The following SORCS3 variants were observed in gnomAD, a reference collection of about 807,000 sequenced individuals.
SORCS3 encodes VPS10 domain-containing receptor SorCS3.
A neutral mutation model predicts 146.3 loss-of-function variants in SORCS3; 57 were observed. That is an observed-to-expected ratio of 0.39 (90% CI 0.31 to 0.49). The LOEUF is 0.49. Among genes scored for constraint, SORCS3 ranks in the 20% least tolerant of loss-of-function variants. The pLI, the probability that SORCS3 is intolerant of heterozygous loss-of-function variation, is 0.92. For missense variants in SORCS3, 1,341 were observed against 1,575.5 expected (o/e 0.85, Z 2.52); for synonymous variants, 653 against 618.5 (o/e 1.06, Z -0.83).
In SORCS3 at chr10:104,707,483, G is replaced by A. The variant is rs1015720614; in HGVS notation, c.627+65529G>A. Among the ~76,000 whole-genome samples the A allele has an allele frequency of 3.3e-5, 5 of 152,260 alleles. No homozygotes were observed. In the East Asian group the frequency reaches 9.7e-4, roughly 29 times the overall value. On this transcript the variant is annotated intron_variant, in intron 1 of 26. Coordinates refer to ENST00000369701, the MANE Select transcript of SORCS3 (RefSeq NM_014978.3). ...TGAACCAGACTCTCTGATTAACACTGAGTAGTAAAGTGTAGTTCCAGGTAC... is the reference window on the plus strand; with the variant it reads ...TGAACCAGACTCTCTGATTAACACTAAGTAGTAAAGTGTAGTTCCAGGTAC...
intron 3 of SORCS3, among the ~76,000 whole-genome samples, chr10:104,962,935 T>C (rs963223212): frequency 1.3e-5 from 2 of 152,244 alleles, no homozygotes; most frequent in African/African-American, 2.4e-5. Flanking sequence ...TGATGCTTCA[T>C]GTGTGTCCAG....
At chr10:105,007,664 A>C (rs1386195052) in intron 4 of SORCS3, among the ~76,000 whole-genome samples, 1 of 151,458 alleles carries the variant, frequency 6.6e-6, no homozygotes, top group African/African-American at 2.4e-5. Context: ...CCAACCCCCC[A>C]AAAAATCTGG....
rs1382406245 is a variant in SORCS3, at chr10:104,980,599, A to G, written c.954+3106A>G. 3.3e-5 allele frequency among the ~76,000 whole-genome samples: 5 copies of G among 152,218 alleles called. No homozygotes were observed. In the East Asian group the frequency reaches 9.6e-4, roughly 29 times the overall value. ...GAGAAAATGAAAAGTGCTAGTATTA[A>G]GGTAACTGCAGCATCAAAGGGAGAT... On this transcript the variant is annotated intron_variant, in intron 4 of 26. Coordinates refer to ENST00000369701, the MANE Select transcript of SORCS3 (RefSeq NM_014978.3).
At chr10:104,832,009 C>A (rs528646012) in intron 1 of SORCS3, among the ~76,000 whole-genome samples, 1 of 152,298 alleles carries the variant, frequency 6.6e-6, no homozygotes, top group South Asian at 2.1e-4. Context: ...AGTCCTGAGG[C>A]ATAGTTGATA....
chr10:105,021,150 G>A (rs1418897809), intron 4 of SORCS3, among the ~76,000 whole-genome samples: 2 of 152,152 alleles, frequency 1.3e-5, no homozygotes, highest in Non-Finnish European at 2.9e-5. Flanking sequence ...GAATACCTGA[G>A]GCTGGGTATT....
Position 104,802,634 on chromosome 10 carries a change from C to CT in SORCS3, c.628-40157dup, listed in dbSNP as rs140358723. On this transcript the variant is annotated intron_variant, in intron 1 of 26. Transcript: ENST00000369701. ...TGTGGTTCAAGAGTCCAGTTAAGACCTATTGAGCATCTACAGAATCTGGTT... is the reference window on the plus strand; with the variant it reads ...TGTGGTTCAAGAGTCCAGTTAAGACCTTATTGAGCATCTACAGAATCTGGTT... 5.3e-5 allele frequency among the ~76,000 whole-genome samples: 8 copies of CT among 152,232 alleles called. No homozygotes were observed. The East Asian group carries it at 1.5e-3, about 29-fold the overall frequency.
intron 6 of SORCS3, among the ~76,000 whole-genome samples, chr10:105,090,142 A>G (rs940033680): frequency 1.3e-5 from 2 of 152,180 alleles, no homozygotes; most frequent in African/African-American, 4.8e-5. Context: ...ATAACTCATC[A>G]TGGTATTTTA....
chr10:105,226,769 T>C (rs1298415040), intron 20 of SORCS3, among the ~76,000 whole-genome samples: 1 of 152,014 alleles, frequency 6.6e-6, no homozygotes, highest in African/African-American at 2.4e-5. Flanking sequence ...TTTCTATTTC[T>C]TCCTGATTCA....
intron 4 of SORCS3, among the ~76,000 whole-genome samples, chr10:105,014,064 T>C (rs1469343630): frequency 7.9e-6 from 1 of 126,858 alleles, no homozygotes; most frequent in Non-Finnish European, 1.7e-5. Flanking sequence ...CAGATCTAAA[T>C]ATACATATAT....
chr10:104,654,140 G>A (rs184174484), intron 1 of SORCS3, among the ~76,000 whole-genome samples: 243 of 152,146 alleles, frequency 1.6e-3, no homozygotes, highest in Admixed American at 0.012. Flanking sequence ...AATCTCATTC[G>A]TTTTTATGGC....
At chr10:104,712,864 C>T (rs1238583768) in intron 1 of SORCS3, among the ~76,000 whole-genome samples, 1 of 151,972 alleles carries the variant, frequency 6.6e-6, no homozygotes, top group Admixed American at 6.6e-5. Flanking sequence ...ATTTATAACC[C>T]ATGGTCTTGA....
chr10:104,764,040 C>T (rs1295917057), intron 1 of SORCS3, among the ~76,000 whole-genome samples: 2 of 146,718 alleles, frequency 1.4e-5, no homozygotes, highest in Non-Finnish European at 3.0e-5. Flanking sequence ...GTGGAAGGTA[C>T]TGGTAATTCA....
chr10:104,732,212 A>G (rs1025084804), intron 1 of SORCS3, among the ~76,000 whole-genome samples: 9 of 152,180 alleles, frequency 5.9e-5, no homozygotes, highest in African/African-American at 2.2e-4. Flanking sequence ...GAGCTCCAAC[A>G]TGTGCAAAGT....
intron 20 of SORCS3, among the ~76,000 whole-genome samples, chr10:105,244,289 A>G (rs1334969208): frequency 1.3e-5 from 2 of 151,890 alleles, no homozygotes; most frequent in African/African-American, 2.4e-5. Flanking sequence ...ATATATATAT[A>G]TAATTAGAGC....
intron 2 of SORCS3, among the ~76,000 whole-genome samples, chr10:104,869,186 A>T (rs2133566609): frequency 6.6e-6 from 1 of 151,998 alleles, no homozygotes; most frequent in East Asian, 1.9e-4. Context: ...TACATATATT[A>T]CATATATTTA....
Position 105,214,626 on chromosome 10 carries a change from C to G in SORCS3, c.2547+13C>G. ...CCTCATGGAGGAGGTAGGTGCTCAACTGGGTCTCTGAGGTCAGAACTCCCA... is the reference window on the plus strand; with the variant it reads ...CCTCATGGAGGAGGTAGGTGCTCAAGTGGGTCTCTGAGGTCAGAACTCCCA... On this transcript the variant is annotated intron_variant, in intron 18 of 26. Coordinates refer to ENST00000369701, the MANE Select transcript of SORCS3 (RefSeq NM_014978.3). 1 of 1,549,920 alleles carries G rather than the reference C, an allele frequency of 6.5e-7. No individual in the cohort carries two copies. The highest frequency in any genetic ancestry group is 8.7e-7 in the Non-Finnish European group (1 of 1,148,850).
intron 1 of SORCS3, among the ~76,000 whole-genome samples, chr10:104,794,048 C>T (rs996001012): frequency 2.6e-5 from 4 of 152,080 alleles, no homozygotes; most frequent in African/African-American, 9.7e-5. Context: ...AGGGACTGGC[C>T]TTTCTCTCAT....
chr10:105,134,940 C>T (rs1842426830), intron 7 of SORCS3, among the ~76,000 whole-genome samples: 1 of 152,088 alleles, frequency 6.6e-6, no homozygotes, highest in Non-Finnish European at 1.5e-5. Context: ...CCTCCAGCTG[C>T]AAGCCTGTGA....
chr10:104,690,790 C>CTT (rs1269784934), intron 1 of SORCS3, among the ~76,000 whole-genome samples: 1 of 152,170 alleles, frequency 6.6e-6, no homozygotes, highest in Non-Finnish European at 1.5e-5. Flanking sequence ...GGTCTGCTGA[C>CTT]CCCTGACTGT....
Sources: allele counts gnomAD v4.1 joint callset (sites outside exome capture counted in the v4.1 genomes callset), GRCh38; gene constraint gnomAD v4.1.1; transcripts MANE v1.5; gene names NCBI Gene and HGNC (gene_info 2026-07-23, HGNC 2026-07-21).